Variants in AGL observed in about 807,000 individuals in gnomAD.
AGL encodes amylo-alpha-1,6-glucosidase and 4-alpha-glucanotransferase, also known as glycogen debranching enzyme.
In AGL, 128 loss-of-function variants were observed where a neutral mutation model predicts 199.3. The observed-to-expected ratio is 0.64, with a 90% CI of 0.56 to 0.74. The LOEUF is 0.74. Among genes scored for constraint, AGL ranks in the 30% least tolerant of loss-of-function variants. The pLI is 0.00. For missense variants in AGL, 1,809 were observed against 1,820.8 expected (o/e 0.99, Z 0.12); for synonymous variants, 584 against 594.7 (o/e 0.98, Z 0.26).
At chr1:99,897,843 T>C (rs1301871128) in intron 25 of AGL, among the ~76,000 whole-genome samples, 1 of 151,982 alleles carries the variant, frequency 6.6e-6, no homozygotes, top group South Asian at 2.2e-4. Flanking sequence ...ATCTGCCACA[T>C]GCCTAGAGTA....
At chr1:99,852,808 G>T (rs780583556) in intron 2 of AGL, 10 of 754,830 alleles carry the variant, frequency 1.3e-5, no homozygotes, top group Non-Finnish European at 2.0e-5. Context: ...TAAATATAAG[G>T]CATTGATATG....
At chr1:99,910,687 A>AT (rs1557788161) in intron 27 of AGL, 25 bp from the exon 28 acceptor site, 13 of 1,416,006 alleles carry the variant, frequency 9.2e-6, no homozygotes, top group Non-Finnish European at 1.3e-5. Context: ...ATAAAATTTT[A>AT]TTTTATACAC....
intron 21 of AGL, 29 bp from the exon 22 acceptor site, chr1:99,891,191 T>C: frequency 6.2e-7 from 1 of 1,613,052 alleles, no homozygotes; most frequent in Non-Finnish European, 8.5e-7. Context: ...CTACCAATAA[T>C]ACAGCATGAC....
At position 99,884,140 on chromosome 1, in the gene AGL, C is replaced by T; in HGVS notation, c.2329C>T (p.Leu777Phe). 3.7e-6 allele frequency: 6 copies of T among 1,611,932 alleles called. No homozygotes were observed. Among genetic ancestry groups the T allele is most frequent in the Non-Finnish European group, 5.1e-6 (6 of 1,178,522 alleles). ...CCTAGGCAAAATTGAAGAAGTAGTTCTTGAAGCTAGAACTATTGAGAGAAA... is the reference window on the plus strand; with the variant it reads ...CCTAGGCAAAATTGAAGAAGTAGTTTTTGAAGCTAGAACTATTGAGAGAAA... Reference protein sequence around the residue: ...CIPGKIEEVVLEARTIERNTK... With the variant: ...CIPGKIEEVVFEARTIERNTK... The change falls in exon 18 of 34, where the codon CTT becomes TTT. Residue 777 changes from leucine to phenylalanine, a missense_variant. Coordinates refer to ENST00000361915, the MANE Select transcript of AGL (RefSeq NM_000642.3).
chr1:99,851,723 C>T (rs941467484), intron 2 of AGL, among the ~76,000 whole-genome samples: 2 of 152,138 alleles, frequency 1.3e-5, no homozygotes, highest in African/African-American at 4.8e-5. Flanking sequence ...TACTTTTCTA[C>T]AAGGCTAGTT....
At chr1:99,854,975 C>A (rs765968025) in intron 2 of AGL, among the ~76,000 whole-genome samples, 1 of 151,788 alleles carries the variant, frequency 6.6e-6, no homozygotes, top group African/African-American at 2.4e-5. Context: ...CCAAGGCAGG[C>A]GGATCACCTG....
intron 27 of AGL, among the ~76,000 whole-genome samples, chr1:99,907,686 G>GTTTTTTTTTTTTTTTTTTTTTTTTTT (rs1238445536): frequency 1.7e-5 from 1 of 59,844 alleles, no homozygotes; most frequent in African/African-American, 5.7e-5. Flanking sequence ...GTTTGTTTTT[G>GTTTTTTTTTTTTTTTTTTTTTTTTTT]TTTTTTGTTT....
At chr1:99,855,203 AAAAAAAG>A (rs896306602) in intron 2 of AGL, among the ~76,000 whole-genome samples, 3 of 152,140 alleles carry the variant, frequency 2.0e-5, no homozygotes, top group African/African-American at 7.2e-5. Context: ...TCCGACTCAA[AAAAAAAG>A]AAAAAAGAAA....
At chr1:99,886,068 T>C (rs999123957) in intron 20 of AGL, among the ~76,000 whole-genome samples, 1 of 152,196 alleles carries the variant, frequency 6.6e-6, no homozygotes, top group Admixed American at 6.5e-5. Flanking sequence ...ATCCAAGAGT[T>C]TCCATCATTA....
At chr1:99,852,536 A>ATTTTTTT in intron 2 of AGL, 1 of 477,488 alleles carries the variant, frequency 2.1e-6, no homozygotes, top group Non-Finnish European at 3.7e-6. Context: ...TGCCCCGCTA[A>ATTTTTTT]TTTTTTTTTT....
chr1:99,889,529 A>G (rs1652719525), intron 21 of AGL, among the ~76,000 whole-genome samples: 1 of 152,182 alleles, frequency 6.6e-6, no homozygotes, highest in African/African-American at 2.4e-5. Context: ...GCAGTGAACT[A>G]TGATCATGCC....
In AGL at chr1:99,922,403, TAAAG is replaced by T. The variant is rs1655574043; in HGVS notation, c.*756_*759del. On this transcript the variant is annotated 3_prime_UTR_variant, in exon 34 of 34. Coordinates refer to ENST00000361915, the MANE Select transcript of AGL (RefSeq NM_000642.3). Reference sequence around the variant, plus strand: ...ATTGTCGGTCATATTTCTAGAACTTTAAAGAAAAAAGAATGTTATATTAGTTTTC... The same window carrying T: ...ATTGTCGGTCATATTTCTAGAACTTTAAAAAAGAATGTTATATTAGTTTTC... 6.6e-6 allele frequency: 1 copy of T among 151,784 alleles called. No homozygotes were observed. Among genetic ancestry groups the T allele is most frequent in the Non-Finnish European group, 1.5e-5 (1 of 67,796 alleles). 9.4% of individuals were successfully genotyped at this position (151,784 alleles called of 1,614,324 possible).
chr1:99,889,086 C>CT (rs2100781931), intron 21 of AGL, among the ~76,000 whole-genome samples: 1 of 108,676 alleles, frequency 9.2e-6, no homozygotes, highest in South Asian at 3.5e-4. Flanking sequence ...CTATGGCTTA[C>CT]TTTTCCCCTG....
chr1:99,863,393 A>G (rs1650229003), intron 4 of AGL, among the ~76,000 whole-genome samples: 1 of 152,210 alleles, frequency 6.6e-6, no homozygotes, highest in Admixed American at 6.5e-5. Context: ...AAAGTGAAGG[A>G]AAATGTATTA....
At chr1:99,870,340 A>T in intron 5 of AGL, 60 bp from the exon 6 acceptor site, 1 of 1,525,134 alleles carries the variant, frequency 6.6e-7, no homozygotes. Context: ...TCTAAACTTA[A>T]CATAGATACA....
At chr1:99,849,718 G>A (rs1320195542), upstream of AGL, among the ~76,000 whole-genome samples, 1 of 152,154 alleles carries the variant, frequency 6.6e-6, no homozygotes, top group Admixed American at 6.5e-5. Flanking sequence ...TAGAAATCAG[G>A]ACTCTGAGAA....
At position 99,880,665 on chromosome 1, in the gene AGL, G is replaced by A. The variant is rs1457814790; in HGVS notation, c.1769G>A (p.Gly590Asp). Residue 590 changes from glycine (G) to aspartate (D), a missense_variant, in exon 14 of 34, where the codon GGC (glycine) becomes GAC (aspartate). By Grantham distance (94) the Gly-to-Asp change is moderately conservative. Transcript: ENST00000361915. Reference sequence around the variant, plus strand: ...AGTGCATATAATAGTCATGAAGAGGGCAGATTAGTTTACCGATATGGAGGA... The same window carrying A: ...AGTGCATATAATAGTCATGAAGAGGACAGATTAGTTTACCGATATGGAGGA... ...AMSAYNSHEE[G>D]RLVYRYGGEP... 8 of 1,614,022 alleles carry A rather than the reference G, an allele frequency of 5.0e-6. No individual in the cohort carries two copies. The highest frequency in any genetic ancestry group is 4.4e-5 in the South Asian group (4 of 91,084).
chr1:99,892,547 C>A lies in AGL; in HGVS notation c.3199C>A (p.Pro1067Thr), dbSNP rs3753494. ...PILSPALMDV[P>T]YRLNEITKEK... ...TCTTTCACCTGCCCTAATGGATGTACCTTATAGGTTAAATGAGATCACAAA... is the reference window on the plus strand; with the variant it reads ...TCTTTCACCTGCCCTAATGGATGTAACTTATAGGTTAAATGAGATCACAAA... Residue 1067 changes from proline (P) to threonine (T), a missense_variant, in exon 24 of 34, where the codon CCT becomes ACT. Transcript: ENST00000361915. The A allele has an allele frequency of 6.2e-7, 1 of 1,613,370 alleles. No individual in the cohort carries two copies. The highest frequency in any genetic ancestry group is 1.7e-4 in the Middle Eastern group (1 of 6,056).
Position 99,874,734 on chromosome 1 carries a change from A to T in AGL, c.1006A>T (p.Ile336Phe), listed in dbSNP as rs1651355891. 1.2e-6 allele frequency: 2 copies of T among 1,613,626 alleles called. No homozygotes were observed. Among genetic ancestry groups the T allele is most frequent in the Admixed American group, 3.3e-5 (2 of 59,996 alleles). Reference protein sequence around the residue: ...KSDPNQHLTIIQDPEYRRFGC... With the variant: ...KSDPNQHLTIFQDPEYRRFGC... ...TGATCCAAACCAACACCTTACGATT[A>T]TTCAAGATCCTGAATACAGACGGTT... The change falls in exon 8 of 34, where the codon ATT becomes TTT. Residue 336 changes from isoleucine (I) to phenylalanine (F), a missense_variant. Coordinates refer to ENST00000361915, the MANE Select transcript of AGL (RefSeq NM_000642.3).
Sources: gnomAD v4.1 joint callset for allele counts (sites outside exome capture counted in the v4.1 genomes callset) on GRCh38, gnomAD v4.1.1 for gene constraint, MANE v1.5 for transcripts, NCBI Gene and HGNC (gene_info 2026-07-23, HGNC 2026-07-21) for gene names.